Variants in ROBO2 observed in about 807,000 individuals in gnomAD.
ROBO2 encodes roundabout guidance receptor 2.
A neutral mutation model predicts 160.8 loss-of-function variants in ROBO2; 53 were observed. That is an observed-to-expected ratio of 0.33 (90% CI 0.26 to 0.41). The LOEUF is 0.41. Ranked by LOEUF, ROBO2 falls within the 10% of genes least tolerant of loss-of-function variation. The pLI is 1.00. For missense variants in ROBO2, 1,577 were observed against 1,722.4 expected (o/e 0.92, Z 1.49); for synonymous variants, 664 against 611.7 (o/e 1.09, Z -1.26).
chr3:75,910,536 G>A (rs1946529898), intron 1 of ROBO2, among the ~76,000 whole-genome samples: 1 of 152,060 alleles, frequency 6.6e-6, no homozygotes, highest in Non-Finnish European at 1.5e-5. Flanking sequence ...ATATACCTTT[G>A]TTCATTACGA....
chr3:76,206,752 T>G lies in ROBO2; in HGVS notation c.109+269150T>G, dbSNP rs1702832778. 2.0e-5 allele frequency among the ~76,000 whole-genome samples: 3 copies of G among 152,166 alleles called. No homozygotes were observed. The South Asian group carries it at 6.2e-4, about 31-fold the overall frequency. ...ATGCTTCATCTCTCTGACCCTCACC[T>G]TTATCCTTTATAAAAGGGGATTCTA... On this transcript the variant is annotated intron_variant, in intron 2 of 26. Coordinates refer to the ROBO2 transcript ENST00000487694.
At chr3:76,605,593 A>G (rs1297260904) in intron 2 of ROBO2, among the ~76,000 whole-genome samples, 2 of 152,158 alleles carry the variant, frequency 1.3e-5, no homozygotes, top group East Asian at 3.9e-4. Context: ...AAAGTTGGGT[A>G]GTCAGATCAG....
intron 2 of ROBO2, among the ~76,000 whole-genome samples, chr3:76,149,320 A>G (rs2072051424): frequency 6.6e-6 from 1 of 152,122 alleles, no homozygotes; most frequent in Non-Finnish European, 1.5e-5. Flanking sequence ...AACTTAGAAC[A>G]CAACACAAGA....
intron 4 of ROBO2, among the ~76,000 whole-genome samples, chr3:77,491,480 C>G (rs1195286923): frequency 6.6e-6 from 1 of 152,082 alleles, no homozygotes; most frequent in Admixed American, 6.6e-5. Flanking sequence ...GCATTTGGGA[C>G]CCTCATAAGG....
At chr3:76,817,556 T>G (rs2065780460) in intron 2 of ROBO2, among the ~76,000 whole-genome samples, 1 of 152,108 alleles carries the variant, frequency 6.6e-6, no homozygotes, top group East Asian at 2.0e-4. Context: ...CATGAATAAG[T>G]TTTTGGTGGT....
At chr3:76,382,019 G>T (rs564901319) in intron 2 of ROBO2, among the ~76,000 whole-genome samples, 1 of 151,794 alleles carries the variant, frequency 6.6e-6, no homozygotes, top group African/African-American at 2.4e-5. Context: ...TCACTCAGTT[G>T]CCCAGGCTGC....
chr3:76,609,371 G>A (rs1375829541), intron 2 of ROBO2, among the ~76,000 whole-genome samples: 1 of 151,962 alleles, frequency 6.6e-6, no homozygotes, highest in African/African-American at 2.4e-5. Context: ...TAAATTAAAG[G>A]ATTGTTTTTC....
chr3:76,997,382 T>G (rs921713307), intron 2 of ROBO2, among the ~76,000 whole-genome samples: 5 of 152,186 alleles, frequency 3.3e-5, no homozygotes, highest in African/African-American at 1.2e-4. Flanking sequence ...GTGATAGTGC[T>G]TATTGAACAG....
At chr3:77,587,672 A>G (rs1272519761) in intron 16 of ROBO2, among the ~76,000 whole-genome samples, 4 of 152,150 alleles carry the variant, frequency 2.6e-5, no homozygotes, top group African/African-American at 9.6e-5. Context: ...GAGTGGTTTC[A>G]TCAAAATCAT....
intron 2 of ROBO2, among the ~76,000 whole-genome samples, chr3:76,239,914 A>G (rs1705186703): frequency 6.6e-6 from 1 of 152,072 alleles, no homozygotes; most frequent in Non-Finnish European, 1.5e-5. Flanking sequence ...CAGAGAAACC[A>G]TGTTGATGAT....
At chr3:75,999,190 A>T (rs2065813620) in intron 2 of ROBO2, among the ~76,000 whole-genome samples, 2 of 152,192 alleles carry the variant, frequency 1.3e-5, no homozygotes, top group South Asian at 4.1e-4. Context: ...AAAGAGTTAA[A>T]CAATATGTGA....
chr3:76,182,778 G>T (rs1051498184), intron 2 of ROBO2, among the ~76,000 whole-genome samples: 27 of 152,134 alleles, frequency 1.8e-4, no homozygotes, highest in Non-Finnish European at 2.6e-4. Flanking sequence ...TTTGGAGATT[G>T]GGGATATCTC....
intron 20 of ROBO2, chr3:77,602,964 G>C: frequency 2.2e-6 from 1 of 456,882 alleles, no homozygotes; most frequent in Non-Finnish European, 4.4e-6. Context: ...CTACCGATTG[G>C]CTGAGGGATT....
chr3:76,074,919 A>C (rs1393176955), intron 2 of ROBO2, among the ~76,000 whole-genome samples: 3 of 152,174 alleles, frequency 2.0e-5, no homozygotes, highest in Non-Finnish European at 4.4e-5. Flanking sequence ...AAATGATGGT[A>C]GTTGTATATA....
intron 2 of ROBO2, among the ~76,000 whole-genome samples, chr3:77,430,983 A>G (rs2078709019): frequency 6.6e-6 from 1 of 152,130 alleles, no homozygotes; most frequent in Non-Finnish European, 1.5e-5. Flanking sequence ...TTCTTTTCCC[A>G]GTAAGTTTAT....
chr3:76,082,045 T>C (rs1035023763), intron 2 of ROBO2, among the ~76,000 whole-genome samples: 5 of 152,158 alleles, frequency 3.3e-5, no homozygotes, highest in Admixed American at 2.6e-4. Context: ...CACTCCAAGC[T>C]ACTTGATTGA....
intron 2 of ROBO2, among the ~76,000 whole-genome samples, chr3:76,869,638 C>G (rs1221094790): frequency 6.6e-6 from 1 of 151,932 alleles, no homozygotes; most frequent in African/African-American, 2.4e-5. Flanking sequence ...CGTGAGCCAC[C>G]GCGCCCGGCC....
intron 2 of ROBO2, among the ~76,000 whole-genome samples, chr3:76,965,518 G>A (rs1439833754): frequency 4.6e-5 from 7 of 152,132 alleles, no homozygotes; most frequent in African/African-American, 1.2e-4. Flanking sequence ...GAAATTGCGT[G>A]TACCTATGCT....
intron 2 of ROBO2, among the ~76,000 whole-genome samples, chr3:76,817,926 G>A (rs1339385112): frequency 2.7e-5 from 4 of 149,260 alleles, no homozygotes; most frequent in Admixed American, 6.8e-5. Flanking sequence ...AGGTGGCTCC[G>A]TAGTTTTGCA....
Sources: gnomAD v4.1 joint callset for allele counts (sites outside exome capture counted in the v4.1 genomes callset) on GRCh38, gnomAD v4.1.1 for gene constraint, MANE v1.5 for transcripts, NCBI Gene and HGNC (gene_info 2026-07-23, HGNC 2026-07-21) for gene names.